PTPRD: variants seen among roughly 807,000 people sequenced by gnomAD.
PTPRD encodes the protein receptor-type tyrosine-protein phosphatase delta.
A neutral mutation model predicts 214.5 loss-of-function variants in PTPRD; 34 were observed. That is an observed-to-expected ratio of 0.16 (90% CI 0.12 to 0.21). PTPRD has a LOEUF of 0.21. Among genes scored for constraint, PTPRD ranks in the 10% least tolerant of loss-of-function variants. The pLI is 1.00. For missense variants in PTPRD, 2,545 were observed against 2,398.7 expected (o/e 1.06, Z -1.27); for synonymous variants, 1,128 against 845.7 (o/e 1.33, Z -5.79).
intron 11 of PTPRD, among the ~76,000 whole-genome samples, chr9:8,775,021 C>T (rs550567949): frequency 3.3e-5 from 5 of 152,144 alleles, no homozygotes; most frequent in South Asian, 2.1e-4. Context: ...TTTGATCGGG[C>T]GCCATGGCCA....
intron 4 of PTPRD, among the ~76,000 whole-genome samples, chr9:9,983,888 T>A (rs1477094335): frequency 6.6e-6 from 1 of 152,162 alleles, no homozygotes; most frequent in Non-Finnish European, 1.5e-5. Context: ...ATTTATTCAT[T>A]AATTTATAGT....
chr9:9,159,169 C>A (rs2099884069), intron 10 of PTPRD, among the ~76,000 whole-genome samples: 1 of 152,106 alleles, frequency 6.6e-6, no homozygotes, highest in Non-Finnish European at 1.5e-5. Context: ...CCAAATTTGA[C>A]AACTTCCTTT....
At position 10,084,296 on chromosome 9, in the gene PTPRD, C is replaced by T. The variant is rs73641846; in HGVS notation, c.-544-50506G>A. The stretch of plus-strand genomic sequence containing the variant: ...TTGTTTCTCCAAAGATAATATAAAT[C>T]CTTCTGTAATGTTAGTTACTATGTT... On this transcript the variant is annotated intron_variant, in intron 3 of 45. Transcript: ENST00000381196. Among the ~76,000 whole-genome samples, 867 of 151,906 alleles carry T rather than the reference C, an allele frequency of 5.7e-3. 7 individuals carry two copies. Among genetic ancestry groups the T allele is most frequent in the African/African-American group, 0.02 (812 of 41,488 alleles).
intron 2 of PTPRD, among the ~76,000 whole-genome samples, chr9:10,480,981 C>T (rs749314428): frequency 6.6e-6 from 1 of 151,756 alleles, no homozygotes; most frequent in Non-Finnish European, 1.5e-5. Flanking sequence ...TCCAGTGACT[C>T]AAGTCGAGTC....
chr9:9,636,326 AT>A (rs149832550), intron 7 of PTPRD, among the ~76,000 whole-genome samples: 2,165 of 152,184 alleles, frequency 0.014, 49 homozygotes, highest in African/African-American at 0.05. Flanking sequence ...TGTTTCTTTG[AT>A]TTATTGAGTA....
chr9:10,211,437 C>T (rs1035018890), intron 3 of PTPRD, among the ~76,000 whole-genome samples: 6 of 152,082 alleles, frequency 3.9e-5, no homozygotes, highest in Admixed American at 3.9e-4. Flanking sequence ...AATCTGGGAG[C>T]TGTAGTTCTT....
At chr9:8,356,930 T>G (rs954075790) in intron 39 of PTPRD, among the ~76,000 whole-genome samples, 1 of 152,186 alleles carries the variant, frequency 6.6e-6, no homozygotes, top group Non-Finnish European at 1.5e-5. Context: ...ATAGAAATAC[T>G]CAAAAGCACT....
At chr9:10,322,317 A>G (rs995042540) in intron 3 of PTPRD, among the ~76,000 whole-genome samples, 3 of 152,094 alleles carry the variant, frequency 2.0e-5, no homozygotes, top group African/African-American at 7.2e-5. Flanking sequence ...ACAAAACAAC[A>G]AATGCAAGCT....
At chr9:9,239,401 G>T (rs2099969164) in intron 9 of PTPRD, among the ~76,000 whole-genome samples, 2 of 152,122 alleles carry the variant, frequency 1.3e-5, no homozygotes, top group South Asian at 2.1e-4. Flanking sequence ...TGGTTAGACA[G>T]GTTTAGGTTG....
chr9:8,626,183 C>T (rs1375609971), intron 14 of PTPRD, among the ~76,000 whole-genome samples: 1 of 151,720 alleles, frequency 6.6e-6, no homozygotes, highest in Admixed American at 6.6e-5. Context: ...TTAAAAACTG[C>T]TCAAATTTTA....
chr9:9,139,700 G>A (rs1034164999), intron 10 of PTPRD, among the ~76,000 whole-genome samples: 1 of 152,094 alleles, frequency 6.6e-6, no homozygotes, highest in Admixed American at 6.6e-5. Flanking sequence ...TAAAACTTAT[G>A]CATTGTCTAT....
At chr9:9,954,613 A>T (rs2093750522) in intron 4 of PTPRD, among the ~76,000 whole-genome samples, 1 of 152,076 alleles carries the variant, frequency 6.6e-6, no homozygotes, top group South Asian at 2.1e-4. Flanking sequence ...AAAATCCATG[A>T]ATATTAACTA....
At chr9:8,889,914 T>A (rs1474346832) in intron 11 of PTPRD, among the ~76,000 whole-genome samples, 1 of 152,224 alleles carries the variant, frequency 6.6e-6, no homozygotes, top group Non-Finnish European at 1.5e-5. Flanking sequence ...TGTGCTGCTA[T>A]AAACATGCAT....
At chr9:10,374,169 T>TA (rs2097684032) in intron 2 of PTPRD, among the ~76,000 whole-genome samples, 1 of 152,172 alleles carries the variant, frequency 6.6e-6, no homozygotes, top group South Asian at 2.1e-4. Flanking sequence ...TATTAGTTAT[T>TA]AAAAAATTTC....
intron 14 of PTPRD, among the ~76,000 whole-genome samples, chr9:8,583,678 A>C (rs2093385137): frequency 6.6e-6 from 1 of 152,206 alleles, no homozygotes; most frequent in South Asian, 2.1e-4. Flanking sequence ...ATATACCTAA[A>C]TTACGTTGCT....
intron 3 of PTPRD, among the ~76,000 whole-genome samples, chr9:10,058,554 A>G (rs1008294214): frequency 1.3e-5 from 2 of 152,126 alleles, no homozygotes; most frequent in African/African-American, 2.4e-5. Flanking sequence ...GATTGATACC[A>G]TGAACCTGAA....
At chr9:8,649,537 T>A (rs2096763272) in intron 12 of PTPRD, among the ~76,000 whole-genome samples, 1 of 152,238 alleles carries the variant, frequency 6.6e-6, no homozygotes, top group Non-Finnish European at 1.5e-5. Flanking sequence ...ATGCAGACAC[T>A]TTCAATGAGT....
At chr9:9,268,259 T>G (rs188964858) in intron 9 of PTPRD, among the ~76,000 whole-genome samples, 1 of 151,082 alleles carries the variant, frequency 6.6e-6, no homozygotes. Flanking sequence ...ACAATCCTAT[T>G]TACAACAGCA....
chr9:9,398,446 T>A (rs969310706), intron 8 of PTPRD, among the ~76,000 whole-genome samples: 2 of 152,092 alleles, frequency 1.3e-5, no homozygotes, highest in African/African-American at 4.8e-5. Context: ...AAGGAGACAA[T>A]TTATTTAGTG....
Sources: allele counts gnomAD v4.1 joint callset (sites outside exome capture counted in the v4.1 genomes callset), GRCh38; gene constraint gnomAD v4.1.1; transcripts MANE v1.5; gene names NCBI Gene and HGNC (gene_info 2026-07-23, HGNC 2026-07-21).